Variants in DIS3L observed in about 807,000 individuals in gnomAD.
The protein encoded by DIS3L is DIS3 like exosome 3'-5' exoribonuclease.
In DIS3L, 100 loss-of-function variants were observed where a neutral mutation model predicts 120.3. The observed-to-expected ratio is 0.83, with a 90% CI of 0.71 to 0.98. DIS3L has a LOEUF of 0.98. Among genes scored for constraint, DIS3L ranks in the 50% least tolerant of loss-of-function variants. DIS3L has a pLI of 0.00. For synonymous variants in DIS3L, 426 were observed against 470.6 expected, an observed-to-expected ratio of 0.91 and a Z score of 1.23; for missense variants, 1,196 against 1,314.2, an observed-to-expected ratio of 0.91 and a Z score of 1.39.
chr15:66,304,898 C>G (rs1476894252), intron 2 of DIS3L, among the ~76,000 whole-genome samples: 1 of 114,938 alleles, frequency 8.7e-6, no homozygotes, highest in Non-Finnish European at 1.7e-5. Flanking sequence ...AAGACTCCGT[C>G]TCAAAAAAAA....
intron 2 of DIS3L, among the ~76,000 whole-genome samples, chr15:66,296,096 T>C (rs998261614): frequency 1.8e-4 from 27 of 152,234 alleles, no homozygotes; most frequent in African/African-American, 3.6e-4. Context: ...CACCAAGATA[T>C]AGATGTTTAT....
At chr15:66,329,674 CTCACTTGAGGGCGGA>C in intron 14 of DIS3L, 1 of 1,086,862 alleles carries the variant, frequency 9.2e-7, no homozygotes, top group Non-Finnish European at 1.1e-6. Flanking sequence ...GACGTGGTGG[CTCACTTGAGGGCGGA>C]TCACTTGAGG....
intron 5 of DIS3L, among the ~76,000 whole-genome samples, 188 bp from the exon 6 acceptor site, chr15:66,313,851 G>GTATATATATGTGTGTATATA (rs67804291): frequency 1.4e-5 from 2 of 146,458 alleles, no homozygotes; most frequent in African/African-American, 5.0e-5. Flanking sequence ...ATGTGTGTGC[G>GTATATATATGTGTGTATATA]TATATATATG....
intron 10 of DIS3L, 85 bp downstream of exon 10, chr15:66,323,019 C>G: frequency 6.6e-7 from 1 of 1,520,934 alleles, no homozygotes; most frequent in Non-Finnish European, 8.8e-7. Context: ...GTTCAAAGAT[C>G]TCATGTTTGT....
intron 14 of DIS3L, chr15:66,329,721 G>A (rs28548901): frequency 0.31 from 314,421 of 1,012,322 alleles, 50,425 homozygotes; most frequent in South Asian, 0.33. Flanking sequence ...AGACCAGCCT[G>A]GCCAATATGG....
Position 66,314,028 on chromosome 15 carries a change from T to G in DIS3L, c.736-11T>G. On this transcript the variant is annotated splice_polypyrimidine_tract_variant and intron_variant, in intron 5 of 16. Coordinates refer to ENST00000319212, the MANE Select transcript of DIS3L (RefSeq NM_001143688.3). ...CATTTTTCATATTGATTTTTTAAAT[T>G]ATGATTTTAGGGAATTCTGAATGTC... The G allele has an allele frequency of 6.5e-7, 1 of 1,542,986 alleles. No homozygotes were observed. Among genetic ancestry groups the G allele is most frequent in the Non-Finnish European group, 8.7e-7 (1 of 1,147,134 alleles).
At chr15:66,315,978 C>G (rs1265210726) in intron 7 of DIS3L, among the ~76,000 whole-genome samples, 4 of 152,216 alleles carry the variant, frequency 2.6e-5, no homozygotes, top group African/African-American at 9.6e-5. Flanking sequence ...AGTTCTCCTC[C>G]TGGCTCTCCA....
chr15:66,309,451 T>C (rs186043533), intron 4 of DIS3L, among the ~76,000 whole-genome samples: 123 of 152,142 alleles, frequency 8.1e-4, no homozygotes, highest in African/African-American at 2.6e-3. Flanking sequence ...AAATTGCCAA[T>C]ATTCTTATTG....
At chr15:66,297,104 C>CA (rs1291177840) in intron 2 of DIS3L, among the ~76,000 whole-genome samples, 1 of 152,160 alleles carries the variant, frequency 6.6e-6, no homozygotes, top group Non-Finnish European at 1.5e-5. Context: ...GTTAAGCAAC[C>CA]AGCAGGTGCC....
At chr15:66,297,934 C>T (rs1251130479) in intron 2 of DIS3L, among the ~76,000 whole-genome samples, 1 of 152,066 alleles carries the variant, frequency 6.6e-6, no homozygotes, top group African/African-American at 2.4e-5. Context: ...AATCTCAGCA[C>T]TTTGGGAGGC....
chr15:66,313,954 C>T, intron 5 of DIS3L, 85 bp from the exon 6 acceptor site: 1 of 1,145,616 alleles, frequency 8.7e-7, no homozygotes, highest in Non-Finnish European at 1.2e-6. Context: ...GATGTTTTCA[C>T]ATAATTTTAA....
intron 2 of DIS3L, among the ~76,000 whole-genome samples, chr15:66,303,231 T>G (rs963503314): frequency 6.6e-6 from 1 of 152,266 alleles, no homozygotes; most frequent in Non-Finnish European, 1.5e-5. Context: ...CTTTTGCCTG[T>G]GTACTGTGAG....
chr15:66,314,192 G>A (rs2092793874), intron 6 of DIS3L, 75 bp downstream of exon 6: 1 of 1,231,134 alleles, frequency 8.1e-7, no homozygotes, highest in Middle Eastern at 2.8e-4. Context: ...AAGCAAAGTT[G>A]AAATTGTCAT....
rs2093001818 is a variant in DIS3L at position 66,331,913 on chromosome 15, C to T, written c.2574C>T (p.Phe858=). 6.2e-7 allele frequency: 1 copy of T among 1,612,412 alleles called. No individual in the cohort carries two copies. The highest frequency in any genetic ancestry group is 8.5e-7 in the Non-Finnish European group (1 of 1,179,176). Residue 858 remains phenylalanine, a synonymous_variant, in exon 15 of 17, where the codon TTC becomes TTT. Transcript: ENST00000319212. ...QHSQKQSTEL[F]QCMYFKDKDP... is the part of the protein sequence containing the mutation. The stretch of plus-strand genomic sequence containing the variant: ...CTCAGAAGCAGTCTACTGAGCTCTT[C>T]CAGTGCATGTACTTCAAAGACAAAG...
chr15:66,309,094 A>AAAAAAAATATATATAT lies in DIS3L; in HGVS notation c.558+251_558+252insAAAAAATATATATATA. Among the ~76,000 whole-genome samples the AAAAAAAATATATATAT allele has an allele frequency of 1.6e-3, 24 of 15,314 alleles. 3 individuals are homozygous for AAAAAAAATATATATAT. The highest frequency in any genetic ancestry group is 6.5e-3 in the Admixed American group (4 of 620). The allele number at this position is 15,314 out of a possible 152,430, so 10.0% of individuals were successfully genotyped here. On this transcript the variant is annotated intron_variant, in intron 4 of 16. Coordinates refer to ENST00000319212, the MANE Select transcript of DIS3L (RefSeq NM_001143688.3). ...CTTGTCTCTACAGAAAAAAAAAAAAAATATATATATCTCCAAGCATGGTGG... is the reference window on the plus strand; with the variant it reads ...CTTGTCTCTACAGAAAAAAAAAAAAAAAAAAAATATATATATATATATATATCTCCAAGCATGGTGG...
chr15:66,330,746 T>C (rs1476163102), intron 14 of DIS3L, among the ~76,000 whole-genome samples: 2 of 152,214 alleles, frequency 1.3e-5, no homozygotes, highest in Admixed American at 6.5e-5. Flanking sequence ...AGCACTGTTC[T>C]AAGCAATCAA....
intron 8 of DIS3L, among the ~76,000 whole-genome samples, chr15:66,319,772 G>A (rs1261187272): frequency 6.6e-6 from 1 of 151,856 alleles, no homozygotes; most frequent in Non-Finnish European, 1.5e-5. Flanking sequence ...GGGGTAGTGG[G>A]GATTCAGTTT....
At chr15:66,296,010 A>G (rs2092583065) in intron 2 of DIS3L, among the ~76,000 whole-genome samples, 2 of 152,248 alleles carry the variant, frequency 1.3e-5, no homozygotes, top group South Asian at 4.1e-4. Context: ...TTCAAAAAAC[A>G]TACATTAACC....
At chr15:66,320,330 T>C (rs984642443) in intron 8 of DIS3L, among the ~76,000 whole-genome samples, 1 of 152,128 alleles carries the variant, frequency 6.6e-6, no homozygotes, top group Non-Finnish European at 1.5e-5. Context: ...TCCAGCCCTC[T>C]TCATTGATGT....
Sources: gnomAD v4.1 joint callset for allele counts (sites outside exome capture counted in the v4.1 genomes callset) on GRCh38, gnomAD v4.1.1 for gene constraint, MANE v1.5 for transcripts, NCBI Gene and HGNC (gene_info 2026-07-23, HGNC 2026-07-21) for gene names.